The following HSDL1 variants were observed in gnomAD, a reference collection of about 807,000 sequenced individuals.
HSDL1 encodes the protein inactive hydroxysteroid dehydrogenase-like protein 1.
In HSDL1, 29 loss-of-function variants were observed where a neutral mutation model predicts 31.5. The observed-to-expected ratio is 0.92, with a 90% CI of 0.69 to 1.26. The LOEUF (loss-of-function observed/expected upper bound fraction) is 1.26, where lower values mean the gene tolerates loss of function less well. Ranked by LOEUF, HSDL1 falls within the 50% of genes most tolerant of loss-of-function variation. The pLI is 0.00. For missense variants in HSDL1, 503 were observed against 416.6 expected (o/e 1.21, Z -1.81); for synonymous variants, 222 against 155.2 (o/e 1.43, Z -3.20).
chr16:84,130,196 C>T lies in HSDL1; in HGVS notation c.456G>A (p.Val152=). Reference sequence around the variant, plus strand: ...ACTGCGGGTAGGGATAAAACACACCCACGTTATTTACCAAGATGCCAACGT... The same window carrying T: ...ACTGCGGGTAGGGATAAAACACACCTACGTTATTTACCAAGATGCCAACGT... ...DKDVGILVNN[V]GVFYPYPQYF... is the part of the protein sequence containing the mutation. The change falls in exon 4 of 6, where the codon GTG becomes GTA. Residue 152 remains valine (V), a synonymous_variant. Transcript: ENST00000219439. 6.2e-7 allele frequency: 1 copy of T among 1,614,172 alleles called. No individual in the cohort carries two copies. The highest frequency in any genetic ancestry group is 8.5e-7 in the Non-Finnish European group (1 of 1,180,032).
chr16:84,140,729 C>G (rs1022582280), intron 1 of HSDL1, among the ~76,000 whole-genome samples: 2 of 152,226 alleles, frequency 1.3e-5, no homozygotes, highest in Non-Finnish European at 1.5e-5. Flanking sequence ...GAGGCAGCCT[C>G]TCTCCTAAAT....
chr16:84,141,068 G>C (rs1192601472), intron 1 of HSDL1, among the ~76,000 whole-genome samples: 1 of 147,932 alleles, frequency 6.8e-6, no homozygotes, highest in Non-Finnish European at 1.5e-5. Context: ...TCCCGCCTGG[G>C]CGACAGAACG....
At position 84,124,583 on chromosome 16, in the gene HSDL1, T is replaced by C. The variant is rs371694023; in HGVS notation, c.*47A>G. On this transcript the variant is annotated 3_prime_UTR_variant, in exon 6 of 6. Coordinates refer to ENST00000219439, the MANE Select transcript of HSDL1 (RefSeq NM_031463.5). ...ATGTGTTTTTCCAAATGTCAGAATATCGAGGTTCCCAGGAGTTGGCAAAAC... is the reference window on the plus strand; with the variant it reads ...ATGTGTTTTTCCAAATGTCAGAATACCGAGGTTCCCAGGAGTTGGCAAAAC... 9.1e-7 allele frequency: 1 copy of C among 1,097,102 alleles called. No individual in the cohort carries two copies. Among genetic ancestry groups the C allele is most frequent in the African/African-American group, 1.5e-5 (1 of 64,772 alleles). The allele number at this position is 1,097,102 out of a possible 1,614,324, so 68.0% of individuals were successfully genotyped here.
In HSDL1 at chr16:84,123,435, T is replaced by C. The variant is rs549140260; in HGVS notation, c.*1195A>G. On this transcript the variant is annotated 3_prime_UTR_variant, in exon 6 of 6. Coordinates refer to ENST00000219439, the MANE Select transcript of HSDL1 (RefSeq NM_031463.5). ...CTAGGTACATGGTCCTCAAAAATGG[T>C]TGGCTTTATATGACCCAAACTAAGG... is the stretch of plus-strand genomic sequence containing the variant. 6.6e-6 allele frequency: 1 copy of C among 152,336 alleles called. No individual in the cohort carries two copies. Among genetic ancestry groups the C allele is most frequent in the South Asian group, 2.1e-4 (1 of 4,828 alleles). The allele number at this position is 152,336 out of a possible 1,614,324, so 9.4% of individuals were successfully genotyped here.
chr16:84,141,320 C>A (rs4782893), intron 1 of HSDL1, among the ~76,000 whole-genome samples: 1,644 of 151,036 alleles, frequency 0.011, 100 homozygotes, highest in Admixed American at 0.093. Flanking sequence ...TCAGATACAC[C>A]ACGATTCACA....
chr16:84,140,411 C>A (rs901957492), intron 1 of HSDL1, among the ~76,000 whole-genome samples: 2 of 151,990 alleles, frequency 1.3e-5, no homozygotes, highest in African/African-American at 4.8e-5. Flanking sequence ...ACTACAGGTG[C>A]CCTCCACCAT....
intron 1 of HSDL1, among the ~76,000 whole-genome samples, chr16:84,139,512 C>G (rs2086745831): frequency 6.6e-6 from 1 of 152,198 alleles, no homozygotes; most frequent in Admixed American, 6.5e-5. Flanking sequence ...CAGAGGAACA[C>G]AGCCCTGCTG....
At position 84,124,364 on chromosome 16, in the gene HSDL1, G is replaced by A. The variant is rs898484116; in HGVS notation, c.*266C>T. On this transcript the variant is annotated 3_prime_UTR_variant, in exon 6 of 6. Transcript: ENST00000219439. Reference sequence around the variant, plus strand: ...TGTGGCTCTAGAACAACAGAAAAGCGTAACTTTCAAACAGCTTAGGGAAAA... The same window carrying A: ...TGTGGCTCTAGAACAACAGAAAAGCATAACTTTCAAACAGCTTAGGGAAAA... 2.5e-5 allele frequency: 7 copies of A among 280,688 alleles called. No homozygotes were observed. Among genetic ancestry groups the A allele is most frequent in the Non-Finnish European group, 4.8e-5 (7 of 145,544 alleles). 17.4% of individuals were successfully genotyped at this position (280,688 alleles called of 1,614,324 possible).
Position 84,130,104 on chromosome 16 carries a change from A to C in HSDL1, c.548T>G (p.Leu183Trp). The C allele has an allele frequency of 6.2e-7, 1 of 1,614,134 alleles. No individual in the cohort carries two copies. The highest frequency in any genetic ancestry group is 2.2e-5 in the East Asian group (1 of 44,888). The change falls in exon 4 of 6, where the codon TTG becomes TGG. Residue 183 changes from leucine to tryptophan, a missense_variant. Leu to Trp is a moderately conservative substitution (Grantham distance 61). Coordinates refer to ENST00000219439, the MANE Select transcript of HSDL1 (RefSeq NM_031463.5). ...TCCCGGTAACACAACATGGACCATCAAACTAGCGGCGGCAATGTTCACATT... is the reference window on the plus strand; with the variant it reads ...TCCCGGTAACACAACATGGACCATCCAACTAGCGGCGGCAATGTTCACATT... ...IINVNIAAAS[L>W]MVHVVLPGMV...
chr16:84,122,293 C>G lies in HSDL1; in HGVS notation c.*2337G>C, dbSNP rs916092371. 2.0e-5 allele frequency: 3 copies of G among 152,354 alleles called. No homozygotes were observed. Among genetic ancestry groups the G allele is most frequent in the Non-Finnish European group, 1.5e-5 (1 of 68,012 alleles). The allele number at this position is 152,354 out of a possible 1,614,324, so 9.4% of individuals were successfully genotyped here. A position where few individuals can be genotyped will look rare whatever the true frequency, so the allele number is the denominator to read the frequency against. On this transcript the variant is annotated 3_prime_UTR_variant, in exon 6 of 6. Transcript: ENST00000219439. ...TGGAACAAAACTCTTCCAAAGGAAACAAACAACTACTTTTATTGTTAAACT... is the reference window on the plus strand; with the variant it reads ...TGGAACAAAACTCTTCCAAAGGAAAGAAACAACTACTTTTATTGTTAAACT...
intron 4 of HSDL1, 33 bp from the exon 5 acceptor site, chr16:84,129,808 AT>A (rs1408164217): frequency 6.5e-7 from 1 of 1,548,626 alleles, no homozygotes; most frequent in Admixed American, 1.8e-5. Context: ...AAGACTTTTA[AT>A]TCTGGGTGAA....
chr16:84,129,042 G>A (rs1035212265), intron 5 of HSDL1, among the ~76,000 whole-genome samples: 3 of 152,100 alleles, frequency 2.0e-5, no homozygotes, highest in African/African-American at 7.2e-5. Context: ...GTGCCACATA[G>A]ATTGAACTTT....
intron 2 of HSDL1, among the ~76,000 whole-genome samples, 184 bp from the exon 3 acceptor site, chr16:84,131,511 ATCTATCTATCT>A (rs2086666396): frequency 2.6e-5 from 4 of 151,746 alleles, no homozygotes; most frequent in East Asian, 1.9e-4. Context: ...CTATCTATCT[ATCTATCTATCT>A]ATCTATCTAT....
rs2086572965 is a variant in HSDL1 at position 84,123,325 on chromosome 16, T to C, written c.*1305A>G. 1 of 152,244 alleles carries C rather than the reference T, an allele frequency of 6.6e-6. No individual in the cohort carries two copies. Among genetic ancestry groups the C allele is most frequent in the South Asian group, 2.1e-4 (1 of 4,838 alleles). The allele number at this position is 152,244 out of a possible 1,614,324, so 9.4% of individuals were successfully genotyped here. On this transcript the variant is annotated 3_prime_UTR_variant, in exon 6 of 6. Coordinates refer to ENST00000219439, the MANE Select transcript of HSDL1 (RefSeq NM_031463.5). ...GACTTTTAACCAATCTACTAGCTTC[T>C]GCATCAGTATCACAATGCCGAGCTC...
chr16:84,139,108 C>T (rs1355233188), intron 1 of HSDL1: 2 of 152,298 alleles, frequency 1.3e-5, no homozygotes, highest in Non-Finnish European at 2.9e-5. Context: ...GAAGACAAAG[C>T]AAGCAGGATG....
intron 2 of HSDL1, among the ~76,000 whole-genome samples, chr16:84,134,799 G>A (rs1055146680): frequency 1.1e-4 from 17 of 152,258 alleles, no homozygotes; most frequent in African/African-American, 4.1e-4. Context: ...TATGTACCAG[G>A]ACCTCTCAAG....
rs770205084 is a variant in HSDL1, at chr16:84,129,549, T to G, written c.893A>C (p.Gln298Pro). 1 of 1,607,690 alleles carries G rather than the reference T, an allele frequency of 6.2e-7. No individual in the cohort carries two copies. Among genetic ancestry groups the G allele is most frequent in the Non-Finnish European group, 8.5e-7 (1 of 1,174,052 alleles). ...ATGAGACCTGAAGCACACTCCTACCTGAATAGAATGGGACCAATATCCTGT... is the reference window on the plus strand; with the variant it reads ...ATGAGACCTGAAGCACACTCCTACCGGAATAGAATGGGACCAATATCCTGT... ...RTTGYWSHSI[Q>P]FLFAQYMPEW... is the part of the protein sequence containing the mutation. Residue 298 changes from glutamine (Q) to proline (P), a missense_variant and splice_region_variant, in exon 5 of 6, where the codon CAG becomes CCG. Physicochemically the swap from Gln to Pro is moderately conservative, Grantham distance 76 (BLOSUM62 -1). Coordinates refer to ENST00000219439, the MANE Select transcript of HSDL1 (RefSeq NM_031463.5).
At chr16:84,133,007 G>C (rs1597376061) in intron 2 of HSDL1, among the ~76,000 whole-genome samples, 1 of 146,524 alleles carries the variant, frequency 6.8e-6, no homozygotes, top group Non-Finnish European at 1.5e-5. Context: ...TGGATACTAA[G>C]AAAATACCCA....
chr16:84,131,483 GTCTA>G (rs36192181), intron 2 of HSDL1, among the ~76,000 whole-genome samples, 156 bp from the exon 3 acceptor site: 42,102 of 143,858 alleles, frequency 0.29, 6,033 homozygotes, highest in East Asian at 0.41. Flanking sequence ...CACAGTTTCA[GTCTA>G]TCTATCTATC....
Sources: gnomAD v4.1 joint callset for allele counts (sites outside exome capture counted in the v4.1 genomes callset) on GRCh38, gnomAD v4.1.1 for gene constraint, MANE v1.5 for transcripts, NCBI Gene and HGNC (gene_info 2026-07-23, HGNC 2026-07-21) for gene names.